URB1: variants seen among roughly 807,000 people sequenced by gnomAD.
URB1 encodes the protein URB1 ribosome biogenesis factor.
URB1 carries 197 observed loss-of-function variants against 242.3 expected under a neutral mutation model. That is an observed-to-expected ratio of 0.81 (90% confidence interval 0.72 to 0.91). The LOEUF (loss-of-function observed/expected upper bound fraction) is 0.91. URB1 is among the 40% of genes least tolerant of loss of function. The pLI, the probability that URB1 is intolerant of heterozygous loss-of-function variation, is 0.00. For missense variants in URB1, 2,721 were observed against 2,860.5 expected (o/e 0.95, Z 1.11); for synonymous variants, 1,153 against 1,201.8 (o/e 0.96, Z 0.84).
In URB1 at chr21:32,393,011, A is replaced by C; in HGVS notation, c.-101T>G. 1 of 1,329,572 alleles carries C rather than the reference A, an allele frequency of 7.5e-7. No homozygotes were observed. The highest frequency in any genetic ancestry group is 2.8e-5 in the East Asian group (1 of 36,246). The allele number at this position is 1,329,572 out of a possible 1,614,324, so 82.4% of individuals were successfully genotyped here. On this transcript the variant is annotated 5_prime_UTR_variant, in exon 1 of 39. Coordinates refer to ENST00000382751, the MANE Select transcript of URB1 (RefSeq NM_014825.3). ...CACGCGCTTCAGGCCCACATGGCGC[A>C]GGAAGAGGCGGGGCTGGCGGAAGAG...
At chr21:32,356,076 C>G (rs973293558) in intron 15 of URB1, among the ~76,000 whole-genome samples, 1 of 152,218 alleles carries the variant, frequency 6.6e-6, no homozygotes, top group Non-Finnish European at 1.5e-5. Context: ...TCATTCTATG[C>G]TCTCTCAAAG....
rs1466430710 is a variant in URB1 at position 32,391,928 on chromosome 21, G to A, written c.142+841C>T. On this transcript the variant is annotated intron_variant, in intron 1 of 38. Coordinates refer to ENST00000382751, the MANE Select transcript of URB1 (RefSeq NM_014825.3). Reference sequence around the variant, plus strand: ...AATCTCAGCTACTTGGGAGGCTGAGGTGGGAGGACAGCTTAAGCCCAGAAG... The same window carrying A: ...AATCTCAGCTACTTGGGAGGCTGAGATGGGAGGACAGCTTAAGCCCAGAAG... 2.6e-5 allele frequency among the ~76,000 whole-genome samples: 4 copies of A among 152,064 alleles called. No homozygotes were observed. In the East Asian group the frequency reaches 7.7e-4, roughly 29 times the overall value.
chr21:32,317,905 G>C lies in URB1; in HGVS notation c.5805C>G (p.Ala1935=), dbSNP rs1208985991. The C allele has an allele frequency of 7.1e-6, 11 of 1,551,550 alleles. No individual in the cohort carries two copies. The highest frequency in any genetic ancestry group is 9.6e-6 in the Non-Finnish European group (11 of 1,146,996). The change falls in exon 37 of 39, where the codon GCC becomes GCG. Residue 1935 remains alanine (A), a synonymous_variant. Coordinates refer to ENST00000382751, the MANE Select transcript of URB1 (RefSeq NM_014825.3). ...VLMKHLRPTL[A]PVQLTNFFGT... ...CGAAGAAGTTGGTCAGCTGGACGGG[G>C]GCCAAGGTGGGCCTGTTTGGGAGTC... is the stretch of plus-strand genomic sequence containing the variant.
At chr21:32,325,166 A>T (rs2032814541) in intron 31 of URB1, 63 bp downstream of exon 31, 1 of 1,492,050 alleles carries the variant, frequency 6.7e-7, no homozygotes, top group African/African-American at 1.4e-5. Flanking sequence ...CCGGGTGGAC[A>T]GCCAGCTCTC....
rs945934874 is a variant in URB1 at position 32,347,293 on chromosome 21, G to A, written c.3531C>T (p.Ser1177=). The change falls in exon 22 of 39, where the codon TCC becomes TCT. Residue 1177 remains serine, a synonymous_variant. Coordinates refer to ENST00000382751, the MANE Select transcript of URB1 (RefSeq NM_014825.3). ...CCCCCAGGCCTCTCACATACTCGGAGGACCACAGGAGCTCACCACTCTGCA... is the reference window on the plus strand; with the variant it reads ...CCCCCAGGCCTCTCACATACTCGGAAGACCACAGGAGCTCACCACTCTGCA... ...DQLQSGELLW[S]SEYVRGLGAL... 66 of 1,551,160 alleles carry A rather than the reference G, an allele frequency of 4.3e-5. 1 individual carries two copies. In the East Asian group the frequency reaches 1.6e-3, roughly 37 times the overall value.
In URB1 at chr21:32,378,540, C is replaced by A. The variant is rs1385573780; in HGVS notation, c.569G>T (p.Gly190Val). Residue 190 changes from glycine to valine, a missense_variant and splice_region_variant, in exon 5 of 39, where the codon GGA becomes GTA. Gly to Val is a moderately radical substitution (Grantham distance 109). Coordinates refer to ENST00000382751, the MANE Select transcript of URB1 (RefSeq NM_014825.3). ...GTAGGCCTGCCGAACGTCGTACACT[C>A]CCTAGAGGACAAAGGAGACCTACAT... The part of the protein sequence containing the change: ...YTLVTKRDSK[G>V]VYDVRQAYVQ... The A allele has an allele frequency of 2.6e-6, 4 of 1,551,292 alleles. No individual in the cohort carries two copies. The highest frequency in any genetic ancestry group is 3.5e-6 in the Non-Finnish European group (4 of 1,146,814).
At chr21:32,379,711 C>T (rs2033500747) in intron 4 of URB1, among the ~76,000 whole-genome samples, 1 of 152,146 alleles carries the variant, frequency 6.6e-6, no homozygotes, top group African/African-American at 2.4e-5. Flanking sequence ...AAAATTCAGC[C>T]GGACACGGTG....
intron 20 of URB1, among the ~76,000 whole-genome samples, chr21:32,349,808 G>A (rs923824636): frequency 5.3e-5 from 8 of 152,124 alleles, no homozygotes; most frequent in African/African-American, 1.7e-4. Flanking sequence ...TAAGAGGGAG[G>A]GCTGGGCCAG....
In URB1 at chr21:32,361,197, A is replaced by C. The variant is rs74879084; in HGVS notation, c.1640-74T>G. The C allele has an allele frequency of 2.6e-3, 2,309 of 901,324 alleles. 7 individuals carry two copies. Among genetic ancestry groups the C allele is most frequent in the Non-Finnish European group, 3.4e-3 (2,117 of 617,800 alleles). The allele number at this position is 901,324 out of a possible 1,614,324, so 55.8% of individuals were successfully genotyped here. ...AAAGAAAGAAAGAAAGAAAGAAAGA[A>C]AGAAAGAAAATAGCTTGAATTAGAA... On this transcript the variant is annotated intron_variant, in intron 12 of 38. Coordinates refer to ENST00000382751, the MANE Select transcript of URB1 (RefSeq NM_014825.3).
intron 21 of URB1, among the ~76,000 whole-genome samples, chr21:32,348,687 C>A (rs1162715442): frequency 6.6e-6 from 1 of 152,192 alleles, no homozygotes; most frequent in African/African-American, 2.4e-5. Flanking sequence ...AACAGCAAAG[C>A]ACGATTACAT....
chr21:32,359,678 T>G, intron 14 of URB1, 118 bp downstream of exon 14: 1 of 873,516 alleles, frequency 1.1e-6, no homozygotes, highest in East Asian at 2.9e-5. Flanking sequence ...ATGAGAACTG[T>G]TAACCTCTTC....
rs1043052793 is a variant in URB1, at chr21:32,344,756, C to A, written c.4071G>T (p.Arg1357Ser). The change falls in exon 24 of 39, where the codon AGG (arginine) becomes AGT (serine). Residue 1357 changes from arginine (R) to serine (S), a missense_variant and splice_region_variant. Transcript: ENST00000382751. ...SLLHTPSSHKRWIVADSISAA... is the reference protein window; with the variant it reads ...SLLHTPSSHKSWIVADSISAA... Reference sequence around the variant, plus strand: ...CTGAAATGGAGTCGGCCACGATCCACCTGCAGCAGGAGATGAGAGTCAGAG... The same window carrying A: ...CTGAAATGGAGTCGGCCACGATCCAACTGCAGCAGGAGATGAGAGTCAGAG... The A allele has an allele frequency of 2.6e-6, 4 of 1,549,988 alleles. No homozygotes were observed. The African/African-American group carries it at 4.1e-5, about 16-fold the overall frequency.
rs1014865183 is a variant in URB1 at position 32,322,367 on chromosome 21, C to T, written c.5340+111G>A. ...CCTGCGTGGCCACCGACTGCACAAT[C>T]GTGTTGGCCGTGCAGCATACAGGAT... On this transcript the variant is annotated intron_variant, in intron 33 of 38. Coordinates refer to ENST00000382751, the MANE Select transcript of URB1 (RefSeq NM_014825.3). 70 of 1,000,700 alleles carry T rather than the reference C, an allele frequency of 7.0e-5. 1 individual carries two copies. The Admixed American group carries it at 1.2e-3, about 18-fold the overall frequency. The allele number at this position is 1,000,700 out of a possible 1,614,324, so 62.0% of individuals were successfully genotyped here. A position where few individuals can be genotyped will look rare whatever the true frequency, so the allele number is the denominator to read the frequency against.
At chr21:32,341,990 A>G (rs963547511) in intron 24 of URB1, among the ~76,000 whole-genome samples, 6 of 152,210 alleles carry the variant, frequency 3.9e-5, no homozygotes, top group African/African-American at 1.4e-4. Context: ...TTCAGTAAAT[A>G]TGAAACACAG....
intron 20 of URB1, 130 bp from the exon 21 acceptor site, chr21:32,349,613 A>T (rs1169568476): frequency 2.3e-6 from 2 of 859,946 alleles, no homozygotes; most frequent in Admixed American, 6.2e-5. Flanking sequence ...CTCCTCACAG[A>T]GTGTGTGAGA....
At chr21:32,388,220 C>CT (rs1357759347) in intron 1 of URB1, among the ~76,000 whole-genome samples, 2 of 152,330 alleles carry the variant, frequency 1.3e-5, no homozygotes, top group Admixed American at 1.3e-4. Context: ...GCACTGAACT[C>CT]TGAGCTCTGG....
chr21:32,319,393 C>T lies in URB1; in HGVS notation c.5616G>A (p.Leu1872=). ...TGTGTAGCAAGGAGATCACATTAGA[C>T]AGCAGCGGAGTCTCCAGAAACCTAA... ...LESKFLETPL[L]SNVISLLHTL... Residue 1872 remains leucine (L), a synonymous_variant, in exon 36 of 39, where the codon CTG becomes CTA. Coordinates refer to ENST00000382751, the MANE Select transcript of URB1 (RefSeq NM_014825.3). 6.5e-7 allele frequency: 1 copy of T among 1,533,076 alleles called. No homozygotes were observed. Among genetic ancestry groups the T allele is most frequent in the South Asian group, 1.2e-5 (1 of 80,886 alleles). 95.0% of individuals were successfully genotyped at this position (1,533,076 alleles called of 1,614,324 possible).
chr21:32,375,839 C>T (rs1433116793), intron 5 of URB1, among the ~76,000 whole-genome samples: 1 of 152,016 alleles, frequency 6.6e-6, no homozygotes, highest in Non-Finnish European at 1.5e-5. Flanking sequence ...TTACTGTAGT[C>T]TTAGGTACCT....
chr21:32,337,227 C>T, intron 27 of URB1, 70 bp from the exon 28 acceptor site: 1 of 1,473,884 alleles, frequency 6.8e-7, no homozygotes, highest in Non-Finnish European at 9.3e-7. Flanking sequence ...CCACCACCTG[C>T]CCTCATACCC....
Sources: allele counts gnomAD v4.1 joint callset (sites outside exome capture counted in the v4.1 genomes callset), GRCh38; gene constraint gnomAD v4.1.1; transcripts MANE v1.5; gene names NCBI Gene and HGNC (gene_info 2026-07-23, HGNC 2026-07-21).